The following CADM2 variants were observed in gnomAD, a reference collection of about 807,000 sequenced individuals.
The protein encoded by CADM2 is immunoglobulin superfamily member 4D.
A neutral mutation model predicts 49.8 loss-of-function variants in CADM2; 12 were observed. The ratio of observed to expected loss-of-function variants is 0.24; its 90% confidence interval spans 0.15 to 0.39. The LOEUF (loss-of-function observed/expected upper bound fraction) is 0.39. CADM2 is among the 10% of genes least tolerant of loss of function. The probability of loss-of-function intolerance (pLI) is 1.00; values close to 1 mark genes in which losing one functional copy is unlikely to be tolerated. For missense variants in CADM2, 378 were observed against 492.3 expected (o/e 0.77, Z 2.20); for synonymous variants, 214 against 175.4 (o/e 1.22, Z -1.74).
intron 1 of CADM2, among the ~76,000 whole-genome samples, chr3:85,506,892 G>C (rs538466778): frequency 3.6e-4 from 54 of 151,982 alleles, no homozygotes; most frequent in African/African-American, 1.2e-3. Context: ...ACAGTGTTTT[G>C]CCCAACATTT....
At position 85,494,516 on chromosome 3, in the gene CADM2, C is replaced by A. The variant is rs139909980; in HGVS notation, c.62-232006C>A. ...AGTGCTTTGTATAAAGTGTTCACTC[C>A]ATAAATGCTTGTATACAGCAATGTC... On this transcript the variant is annotated intron_variant, in intron 1 of 9. Coordinates refer to ENST00000383699, the MANE Select transcript of CADM2 (RefSeq NM_001167675.2). Among the ~76,000 whole-genome samples the A allele has an allele frequency of 3.7e-4, 56 of 152,120 alleles. No homozygotes were observed. The East Asian group carries it at 8.9e-3, about 24-fold the overall frequency.
chr3:85,701,122 AG>A (rs1272971753), intron 1 of CADM2, among the ~76,000 whole-genome samples: 3 of 152,138 alleles, frequency 2.0e-5, no homozygotes, highest in Non-Finnish European at 4.4e-5. Flanking sequence ...CAGAAAGCAA[AG>A]GGGGAGCTGC....
intron 3 of CADM2, among the ~76,000 whole-genome samples, chr3:85,844,596 C>T (rs1461271536): frequency 6.6e-6 from 1 of 152,070 alleles, no homozygotes; most frequent in Non-Finnish European, 1.5e-5. Flanking sequence ...CTCAGTTCAT[C>T]AGTGATTAAG....
chr3:85,991,063 C>G (rs1330404192), intron 8 of CADM2, among the ~76,000 whole-genome samples: 1 of 152,110 alleles, frequency 6.6e-6, no homozygotes, highest in Admixed American at 6.5e-5. Context: ...GGAAAGATGC[C>G]AATCCCTGTA....
chr3:85,259,501 G>A (rs1166400320), intron 1 of CADM2, among the ~76,000 whole-genome samples: 1 of 152,024 alleles, frequency 6.6e-6, no homozygotes. Flanking sequence ...TGTAAAGGAG[G>A]TATTGAAAAT....
chr3:85,255,953 A>T (rs1268691463), intron 1 of CADM2, among the ~76,000 whole-genome samples: 1 of 152,118 alleles, frequency 6.6e-6, no homozygotes, highest in East Asian at 1.9e-4. Flanking sequence ...ACCAGCTTTT[A>T]ACATTTTTTT....
At chr3:85,699,199 C>A (rs993451977) in intron 1 of CADM2, among the ~76,000 whole-genome samples, 2 of 152,122 alleles carry the variant, frequency 1.3e-5, no homozygotes, top group South Asian at 4.1e-4. Context: ...CAGCTCTGCC[C>A]CTGTGACTTT....
At chr3:85,031,183 C>G (rs1432507800) in intron 1 of CADM2, among the ~76,000 whole-genome samples, 1 of 152,134 alleles carries the variant, frequency 6.6e-6, no homozygotes. Flanking sequence ...CCATAAACAC[C>G]CAGAACTCAT....
intron 1 of CADM2, among the ~76,000 whole-genome samples, chr3:85,412,726 G>T (rs560586823): frequency 6.6e-6 from 1 of 152,094 alleles, no homozygotes; most frequent in Non-Finnish European, 1.5e-5. Flanking sequence ...TTTTAAAAAT[G>T]GGATTAATAG....
At chr3:85,377,495 G>T (rs949647432) in intron 1 of CADM2, among the ~76,000 whole-genome samples, 1 of 151,972 alleles carries the variant, frequency 6.6e-6, no homozygotes, top group Admixed American at 6.6e-5. Context: ...CCTGCTGATG[G>T]GGTCTCATTA....
intron 1 of CADM2, among the ~76,000 whole-genome samples, chr3:85,312,798 C>A (rs1020053272): frequency 1.3e-5 from 2 of 152,094 alleles, no homozygotes; most frequent in African/African-American, 2.4e-5. Flanking sequence ...TTTAAGAGTG[C>A]ATACTGGCTC....
intron 2 of CADM2, among the ~76,000 whole-genome samples, chr3:85,748,624 T>A (rs942258414): frequency 1.3e-4 from 20 of 152,250 alleles, no homozygotes; most frequent in African/African-American, 4.8e-4. Context: ...TGAAAAACTT[T>A]CCCTGCCTGG....
intron 1 of CADM2, among the ~76,000 whole-genome samples, chr3:85,264,536 C>A (rs150612428): frequency 1.1e-3 from 162 of 152,100 alleles, no homozygotes; most frequent in African/African-American, 3.8e-3. Context: ...TTTTGCTTGA[C>A]TTCTGTCTCC....
chr3:85,747,853 AGG>A lies in CADM2; in HGVS notation c.88+21306_88+21307del. Among the ~76,000 whole-genome samples, 5 of 152,196 alleles carry A rather than the reference AGG, an allele frequency of 3.3e-5. No homozygotes were observed. The Middle Eastern group carries it at 0.014, about 414-fold the overall frequency. ...TTTAATATTACTCATTTTGACAATG[AGG>A]AGCAGTTTCTGAATGAATTATGTGC... is the stretch of plus-strand genomic sequence containing the variant. On this transcript the variant is annotated intron_variant, in intron 2 of 9. Transcript: ENST00000383699.
intron 1 of CADM2, among the ~76,000 whole-genome samples, chr3:85,399,728 C>G (rs960579585): frequency 6.6e-6 from 1 of 152,086 alleles, no homozygotes; most frequent in Non-Finnish European, 1.5e-5. Context: ...ATTTTATTCT[C>G]TTTGAAGGAA....
chr3:85,159,441 A>G (rs1466692142), intron 1 of CADM2, among the ~76,000 whole-genome samples: 1 of 152,102 alleles, frequency 6.6e-6, no homozygotes, highest in Non-Finnish European at 1.5e-5. Flanking sequence ...ACTGGGAGTA[A>G]AATCATCAGG....
At chr3:85,019,868 C>G (rs891921769) in intron 1 of CADM2, among the ~76,000 whole-genome samples, 1 of 152,140 alleles carries the variant, frequency 6.6e-6, no homozygotes, top group East Asian at 1.9e-4. Flanking sequence ...GGTTAACGTC[C>G]AGTTCAAAAA....
At chr3:85,031,068 G>T (rs1164073977) in intron 1 of CADM2, among the ~76,000 whole-genome samples, 1 of 152,124 alleles carries the variant, frequency 6.6e-6, no homozygotes, top group African/African-American at 2.4e-5. Flanking sequence ...GTGGTTACTG[G>T]ACTAGGAGGC....
At chr3:85,206,027 CAA>C (rs1476413840) in intron 1 of CADM2, among the ~76,000 whole-genome samples, 1 of 151,994 alleles carries the variant, frequency 6.6e-6, no homozygotes, top group Admixed American at 6.6e-5. Context: ...GAAGAAAAAA[CAA>C]AACACTACAA....
Sources: allele counts gnomAD v4.1 joint callset (sites outside exome capture counted in the v4.1 genomes callset), GRCh38; gene constraint gnomAD v4.1.1; transcripts MANE v1.5; gene names NCBI Gene and HGNC (gene_info 2026-07-23, HGNC 2026-07-21).